FRMD4A: variants seen among roughly 807,000 people sequenced by gnomAD.
FRMD4A encodes the protein FERM domain containing 4A, also known as FERM domain-containing protein 4A.
A neutral mutation model predicts 129.1 loss-of-function variants in FRMD4A; 29 were observed. That is an observed-to-expected ratio of 0.22 (90% CI 0.17 to 0.31). The LOEUF (loss-of-function observed/expected upper bound fraction) is 0.31. Among genes scored for constraint, FRMD4A ranks in the 10% least tolerant of loss-of-function variants. The pLI, the probability that FRMD4A is intolerant of heterozygous loss-of-function variation, is 1.00. For missense variants in FRMD4A, 1,272 were observed against 1,375.8 expected (o/e 0.92, Z 1.19); for synonymous variants, 634 against 571.6 (o/e 1.11, Z -1.56).
At chr10:13,907,963 C>T (rs2094899574) in intron 2 of FRMD4A, among the ~76,000 whole-genome samples, 1 of 151,144 alleles carries the variant, frequency 6.6e-6, no homozygotes. Flanking sequence ...GTCAGGAGTT[C>T]ACGACCAGCC....
Position 13,666,152 on chromosome 10 carries a change from C to G in FRMD4A, c.1548G>C (p.Glu516Asp). The part of the protein sequence containing the change: ...KLQEIENAIN[E>D]NRIKSGKKPT... ...GTTTCTTCCCAGACTTGATGCGGTT[C>G]TCATTGATTGCATTTTCAATCTCCT... The change falls in exon 18 of 25, where the codon GAG (glutamate) becomes GAC (aspartate). Residue 516 changes from glutamate to aspartate, a missense_variant. By Grantham distance (45) the Glu-to-Asp change is conservative. Around this residue, in one of 2 missense-constraint regions of FRMD4A, gnomAD observed 972 missense variants for 892.3 expected, o/e 1.09. Transcript: ENST00000357447. 6.2e-7 allele frequency: 1 copy of G among 1,613,694 alleles called. No individual in the cohort carries two copies. Among genetic ancestry groups the G allele is most frequent in the Non-Finnish European group, 8.5e-7 (1 of 1,179,572 alleles).
At chr10:14,275,223 G>C (rs1845296745) in intron 2 of FRMD4A, among the ~76,000 whole-genome samples, 1 of 152,204 alleles carries the variant, frequency 6.6e-6, no homozygotes, top group African/African-American at 2.4e-5. Flanking sequence ...AGGACTTATA[G>C]TCAAGTCATA....
At chr10:14,027,144 T>C (rs888848911) in intron 2 of FRMD4A, among the ~76,000 whole-genome samples, 1 of 152,214 alleles carries the variant, frequency 6.6e-6, no homozygotes, top group Non-Finnish European at 1.5e-5. Flanking sequence ...TTGGACAAAA[T>C]GTTTTTAATA....
chr10:13,834,718 G>C (rs540315032), intron 3 of FRMD4A, among the ~76,000 whole-genome samples: 1 of 152,126 alleles, frequency 6.6e-6, no homozygotes, highest in Non-Finnish European at 1.5e-5. Flanking sequence ...GGCTCCACAG[G>C]GGGTGAACAG....
intron 2 of FRMD4A, among the ~76,000 whole-genome samples, chr10:13,986,061 T>C (rs2095580014): frequency 6.6e-6 from 1 of 152,148 alleles, no homozygotes; most frequent in South Asian, 2.1e-4. Flanking sequence ...TTCTGCACAA[T>C]GACTGCAGGC....
chr10:13,763,538 A>T (rs1433249197), intron 6 of FRMD4A, among the ~76,000 whole-genome samples: 1 of 152,194 alleles, frequency 6.6e-6, no homozygotes, highest in Non-Finnish European at 1.5e-5. Context: ...TTGGTCAGCA[A>T]CTGTTACACA....
At position 13,892,301 on chromosome 10, in the gene FRMD4A, A is replaced by C. The variant is rs1271863493; in HGVS notation, c.46-33389T>G. Reference sequence around the variant, plus strand: ...CTGAAGGCACAGCTCTTACCCCTCGATCTAGTCCAATTGTATTGAATTTTA... The same window carrying C: ...CTGAAGGCACAGCTCTTACCCCTCGCTCTAGTCCAATTGTATTGAATTTTA... On this transcript the variant is annotated intron_variant, in intron 2 of 24. Coordinates refer to ENST00000357447, the MANE Select transcript of FRMD4A (RefSeq NM_018027.5). 2.6e-5 allele frequency among the ~76,000 whole-genome samples: 4 copies of C among 152,020 alleles called. No homozygotes were observed. The South Asian group carries it at 8.3e-4, about 32-fold the overall frequency.
At position 13,657,175 on chromosome 10, in the gene FRMD4A, G is replaced by A. The variant is rs1470361631; in HGVS notation, c.2414C>T (p.Ala805Val). The change falls in exon 22 of 25, where the codon GCG (alanine) becomes GTG (valine). Residue 805 changes from alanine (A) to valine (V), a missense_variant. Ala to Val is a moderately conservative substitution (Grantham distance 64). Coordinates refer to ENST00000357447, the MANE Select transcript of FRMD4A (RefSeq NM_018027.5). ...SASSGSMPNL[A>V]ARGGAGGAGG... ...CGCGCCCCCCGCACCCCCGCGCGCC[G>A]CCAGGTTGGGCATGCTGCCCGAGCT... 11 of 1,341,774 alleles carry A rather than the reference G, an allele frequency of 8.2e-6. No homozygotes were observed. Among genetic ancestry groups the A allele is most frequent in the East Asian group, 3.9e-5 (1 of 25,420 alleles). The allele number at this position is 1,341,774 out of a possible 1,614,324, so 83.1% of individuals were successfully genotyped here.
intron 12 of FRMD4A, among the ~76,000 whole-genome samples, chr10:13,713,995 T>TATACATATATGTA (rs2088405613): frequency 1.4e-5 from 1 of 71,298 alleles, no homozygotes; most frequent in African/African-American, 5.1e-5. Flanking sequence ...ACATATATAA[T>TATACATATATGTA]ATACATATAT....
intron 2 of FRMD4A, among the ~76,000 whole-genome samples, chr10:13,953,720 A>G (rs1006137): frequency 0.034 from 5,175 of 152,316 alleles, 158 homozygotes; most frequent in Admixed American, 0.09. Context: ...TGTTGAATTT[A>G]TTAGTTATAG....
At chr10:14,134,719 AT>A (rs760313655) in intron 2 of FRMD4A, among the ~76,000 whole-genome samples, 1 of 152,056 alleles carries the variant, frequency 6.6e-6, no homozygotes, top group Non-Finnish European at 1.5e-5. Flanking sequence ...GGATGGATGG[AT>A]GGGTGGATAA....
At chr10:13,706,460 G>A (rs1287628584) in intron 13 of FRMD4A, among the ~76,000 whole-genome samples, 1 of 152,100 alleles carries the variant, frequency 6.6e-6, no homozygotes, top group African/African-American at 2.4e-5. Flanking sequence ...GCTCTCTGGG[G>A]TACGATTTTG....
chr10:14,297,763 A>C (rs1417904238), intron 2 of FRMD4A, among the ~76,000 whole-genome samples: 1 of 152,130 alleles, frequency 6.6e-6, no homozygotes, highest in Non-Finnish European at 1.5e-5. Context: ...TTGATGATTG[A>C]GGGCCCAGGT....
intron 2 of FRMD4A, among the ~76,000 whole-genome samples, chr10:14,256,558 A>G (rs1191969717): frequency 6.6e-6 from 1 of 152,240 alleles, no homozygotes; most frequent in Non-Finnish European, 1.5e-5. Flanking sequence ...TACAAATCTC[A>G]AAAGAGTAAT....
intron 2 of FRMD4A, among the ~76,000 whole-genome samples, chr10:14,235,856 C>T (rs1165816916): frequency 2.6e-5 from 4 of 152,186 alleles, no homozygotes; most frequent in Non-Finnish European, 5.9e-5. Context: ...TAGAATTAAG[C>T]ACAGACCACA....
intron 2 of FRMD4A, among the ~76,000 whole-genome samples, chr10:14,199,358 C>T (rs1003605145): frequency 2.0e-5 from 3 of 151,258 alleles, no homozygotes; most frequent in Admixed American, 6.6e-5. Context: ...TACTCTGTCA[C>T]CCAGGCTGGA....
intron 2 of FRMD4A, among the ~76,000 whole-genome samples, chr10:14,051,983 G>A (rs1268198553): frequency 6.6e-6 from 1 of 152,216 alleles, no homozygotes; most frequent in Non-Finnish European, 1.5e-5. Flanking sequence ...GTAACATGAG[G>A]TCACACTGGA....
intron 2 of FRMD4A, among the ~76,000 whole-genome samples, chr10:14,276,531 C>T (rs897622329): frequency 5.9e-5 from 9 of 152,232 alleles, no homozygotes; most frequent in African/African-American, 2.2e-4. Context: ...GGCTCAGGAA[C>T]TCCGTGTCCC....
At chr10:13,685,230 A>C (rs1338962003) in intron 15 of FRMD4A, 5 of 984,532 alleles carry the variant, frequency 5.1e-6, no homozygotes, top group Non-Finnish European at 6.0e-6. Context: ...GAGAGCATTG[A>C]AATTGAAGCT....
Sources: gnomAD v4.1 joint callset for allele counts (sites outside exome capture counted in the v4.1 genomes callset) on GRCh38, gnomAD v4.1.1 for gene constraint, gnomAD v4.1.1 regional missense constraint, MANE v1.5 for transcripts, NCBI Gene and HGNC (gene_info 2026-07-23, HGNC 2026-07-21) for gene names.